Variants in DNAH8 observed in about 807,000 individuals in gnomAD.
DNAH8 encodes the protein axonemal beta dynein heavy chain 8.
DNAH8 carries 382 observed loss-of-function variants against 562.1 expected under a neutral mutation model. That is an observed-to-expected ratio of 0.68 (90% CI 0.63 to 0.74). The LOEUF is 0.74. Ranked by LOEUF, DNAH8 falls within the 30% of genes least tolerant of loss-of-function variation. DNAH8 has a pLI of 0.00. For synonymous variants in DNAH8, 1,881 were observed against 1,919.4 expected (o/e 0.98, Z 0.52); for missense variants, 5,203 against 5,620.4 (o/e 0.93, Z 2.37).
At position 38,750,565 on chromosome 6, in the gene DNAH8, T is replaced by C. The variant is rs1282949428; in HGVS notation, c.1383T>C (p.Cys461=). The C allele has an allele frequency of 6.2e-7, 1 of 1,607,970 alleles. No homozygotes were observed. The highest frequency in any genetic ancestry group is 1.7e-5 in the Admixed American group (1 of 59,810). Residue 461 remains cysteine (C), a synonymous_variant, in exon 9 of 93, where the codon TGT becomes TGC. Coordinates refer to ENST00000327475, the MANE Select transcript of DNAH8 (RefSeq NM_001206927.2). Reference sequence around the variant, plus strand: ...ATTTGTATACTTTGGAAAAAGTGTGTCAACCTCTCTATAACCATGACCTAG... The same window carrying C: ...ATTTGTATACTTTGGAAAAAGTGTGCCAACCTCTCTATAACCATGACCTAG... ...VRYLYTLEKV[C]QPLYNHDLVS...
intron 7 of DNAH8, among the ~76,000 whole-genome samples, chr6:38,741,448 A>G (rs868806911): frequency 5.8e-5 from 8 of 137,646 alleles, no homozygotes; most frequent in Middle Eastern, 3.4e-3. Context: ...CCAAAAAACT[A>G]CCTCCCCCCC....
At chr6:38,893,622 C>T (rs1411610127) in intron 58 of DNAH8, among the ~76,000 whole-genome samples, 11 of 152,120 alleles carry the variant, frequency 7.2e-5, no homozygotes, top group South Asian at 4.2e-4. Context: ...TGCAATGGAA[C>T]TGAGCAAAGA....
intron 11 of DNAH8, chr6:38,763,114 T>A (rs1326892411): frequency 2.9e-6 from 1 of 340,296 alleles, no homozygotes; most frequent in African/African-American, 2.2e-5. Flanking sequence ...TAATGACTAC[T>A]TCACTTGCAT....
At chr6:38,845,250 A>G (rs1775190648) in intron 35 of DNAH8, among the ~76,000 whole-genome samples, 1 of 152,224 alleles carries the variant, frequency 6.6e-6, no homozygotes, top group Non-Finnish European at 1.5e-5. Flanking sequence ...AATCTCTGGG[A>G]TAAACAGGGC....
intron 62 of DNAH8, among the ~76,000 whole-genome samples, chr6:38,902,992 C>G (rs1036522716): frequency 3.9e-5 from 6 of 152,264 alleles, no homozygotes; most frequent in Non-Finnish European, 8.8e-5. Context: ...TGTATTTTTA[C>G]TGTACCTTTT....
At position 38,874,076 on chromosome 6, in the gene DNAH8, CTT is replaced by C. The variant is rs71746049; in HGVS notation, c.7620+702_7620+703del. 2.2e-4 allele frequency among the ~76,000 whole-genome samples: 16 copies of C among 73,714 alleles called. No individual in the cohort carries two copies. The East Asian group carries it at 4.2e-3, about 19-fold the overall frequency. 48.4% of individuals were successfully genotyped at this position (73,714 alleles called of 152,430 possible). On this transcript the variant is annotated intron_variant, in intron 52 of 92. Coordinates refer to ENST00000327475, the MANE Select transcript of DNAH8 (RefSeq NM_001206927.2). ...TTTCTTTCTTTCTTTCTTTTTCTTT[CTT>C]TCTTTCTTTCTTTCTTTCTCTTTCT... is the stretch of plus-strand genomic sequence containing the variant.
chr6:38,984,574 C>T (rs560819718), intron 87 of DNAH8, among the ~76,000 whole-genome samples: 66 of 152,128 alleles, frequency 4.3e-4, no homozygotes, highest in African/African-American at 1.2e-3. Flanking sequence ...GGGCGGATCA[C>T]GAGGTCAGGA....
intron 53 of DNAH8, among the ~76,000 whole-genome samples, chr6:38,878,756 G>C (rs76878789): frequency 0.011 from 1,739 of 152,116 alleles, 32 homozygotes; most frequent in African/African-American, 0.04. Context: ...TAAACTACCA[G>C]CCATCATCAA....
rs148559694 is a variant in DNAH8 at position 38,974,415 on chromosome 6, C to T, written c.12720C>T (p.Arg4240=). The T allele has an allele frequency of 4.0e-5, 64 of 1,613,862 alleles. No homozygotes were observed. Among genetic ancestry groups the T allele is most frequent in the African/African-American group, 2.4e-4 (18 of 75,020 alleles). The change falls in exon 85 of 93, where the codon CGC becomes CGT. Residue 4240 remains arginine (R), a synonymous_variant. Coordinates refer to ENST00000327475, the MANE Select transcript of DNAH8 (RefSeq NM_001206927.2). ...CTAATGAGCCACCCCAAGGTGTACG[C>T]GCAGGTTTGAAAAGAACATTTGCTG... The part of the protein sequence containing the change: ...KFTNEPPQGV[R]AGLKRTFAGI...
intron 83 of DNAH8, 133 bp downstream of exon 83, chr6:38,971,798 A>C: frequency 1.7e-6 from 1 of 577,212 alleles, no homozygotes. Context: ...GTGAATTTTA[A>C]ACCTCAGTCT....
intron 53 of DNAH8, among the ~76,000 whole-genome samples, chr6:38,882,360 A>G (rs139971156): frequency 1.1e-3 from 164 of 152,338 alleles, no homozygotes; most frequent in African/African-American, 3.1e-3. Context: ...GTACACATAT[A>G]CCATGGAATA....
rs376070879 is a variant in DNAH8, at chr6:38,781,238, A to C, written c.2140-16A>C. On this transcript the variant is annotated splice_polypyrimidine_tract_variant and intron_variant, in intron 15 of 92. Transcript: ENST00000327475. ...TGTATTGAATTCAAACATTAACATC[A>C]GATTTTTAATTACAGCTTTATCATT... The C allele has an allele frequency of 6.8e-6, 11 of 1,613,434 alleles. No individual in the cohort carries two copies. The highest frequency in any genetic ancestry group is 9.3e-6 in the Non-Finnish European group (11 of 1,179,680).
At chr6:38,839,835 T>A (rs981554994) in intron 33 of DNAH8, among the ~76,000 whole-genome samples, 1 of 152,164 alleles carries the variant, frequency 6.6e-6, no homozygotes, top group African/African-American at 2.4e-5. Flanking sequence ...GCTAATTTTA[T>A]ATTTTTAGTA....
intron 8 of DNAH8, among the ~76,000 whole-genome samples, chr6:38,746,601 G>A (rs1254602489): frequency 6.6e-6 from 1 of 151,796 alleles, no homozygotes; most frequent in Non-Finnish European, 1.5e-5. Context: ...TATTGCTTTT[G>A]TCTTTCATGT....
chr6:38,991,559 C>T (rs115389151), intron 88 of DNAH8, among the ~76,000 whole-genome samples: 7 of 152,270 alleles, frequency 4.6e-5, no homozygotes, highest in South Asian at 2.1e-4. Context: ...CCAAGGTTCC[C>T]GTGACACTCT....
intron 8 of DNAH8, among the ~76,000 whole-genome samples, chr6:38,745,803 A>G (rs567585403): frequency 7.2e-5 from 11 of 152,268 alleles, no homozygotes; most frequent in Admixed American, 5.2e-4. Context: ...ATGTCTCTCA[A>G]TTTGGGTTTG....
intron 49 of DNAH8, among the ~76,000 whole-genome samples, chr6:38,872,309 A>G (rs897011010): frequency 6.6e-6 from 1 of 152,230 alleles, no homozygotes; most frequent in African/African-American, 2.4e-5. Flanking sequence ...TATTTCCAAA[A>G]TGTAATTCAA....
In DNAH8 at chr6:38,873,312, A is replaced by G; in HGVS notation, c.7556A>G (p.Tyr2519Cys). 6.2e-7 allele frequency: 1 copy of G among 1,613,840 alleles called. No individual in the cohort carries two copies. The highest frequency in any genetic ancestry group is 1.1e-5 in the South Asian group (1 of 91,002). ...TLYEKVFEDT[Y>C]TYMKLNLNPK... ...TATGAGAAAGTCTTTGAAGATACAT[A>G]CACATATATGAAGCTAAATCTCAAT... The change falls in exon 52 of 93, where the codon TAC becomes TGC. Residue 2519 changes from tyrosine to cysteine, a missense_variant. Tyr to Cys is a radical substitution (Grantham distance 194). Coordinates refer to ENST00000327475, the MANE Select transcript of DNAH8 (RefSeq NM_001206927.2).
intron 67 of DNAH8, among the ~76,000 whole-genome samples, chr6:38,914,762 T>C (rs1781175985): frequency 6.6e-6 from 1 of 152,168 alleles, no homozygotes; most frequent in African/African-American, 2.4e-5. Flanking sequence ...AGCCAGTTGC[T>C]GAAATGAGTG....
Sources: gnomAD v4.1 joint callset for allele counts (sites outside exome capture counted in the v4.1 genomes callset) on GRCh38, gnomAD v4.1.1 for gene constraint, MANE v1.5 for transcripts, NCBI Gene and HGNC (gene_info 2026-07-23, HGNC 2026-07-21) for gene names.